The following TENM2 variants were observed in gnomAD, a reference collection of about 807,000 sequenced individuals.
TENM2 encodes the protein teneurin-2.
Under a neutral mutation model 245.2 loss-of-function variants are expected in TENM2, and 52 were observed. The ratio of observed to expected loss-of-function variants is 0.21; its 90% CI spans 0.17 to 0.27. TENM2 has a LOEUF of 0.27. TENM2 is among the 10% of genes least tolerant of loss of function. The pLI is 1.00. For missense variants in TENM2, 3,046 were observed against 3,666.8 expected (o/e 0.83, Z 4.37); for synonymous variants, 1,363 against 1,438.9 (o/e 0.95, Z 1.19).
chr5:168,040,049 T>C (rs1489039332), intron 5 of TENM2, among the ~76,000 whole-genome samples: 6 of 152,176 alleles, frequency 3.9e-5, no homozygotes, highest in Non-Finnish European at 7.3e-5. Flanking sequence ...ATTAATTCTC[T>C]GGTCTTTCCC....
the TENM2 span, among the ~76,000 whole-genome samples, chr5:167,268,287 A>T: frequency 6.6e-6 from 1 of 152,218 alleles, no homozygotes; most frequent in Non-Finnish European, 1.5e-5. Flanking sequence ...AACACGTATT[A>T]TACAGAAAGG....
chr5:168,239,482 C>T (rs1187003401), intron 25 of TENM2, among the ~76,000 whole-genome samples: 2 of 152,172 alleles, frequency 1.3e-5, no homozygotes, highest in Non-Finnish European at 2.9e-5. Context: ...GGTCAATGGT[C>T]AGAGGCCTCT....
intron 2 of TENM2, among the ~76,000 whole-genome samples, chr5:167,600,700 G>A (rs1416823899): frequency 3.3e-5 from 5 of 152,120 alleles, no homozygotes; most frequent in Admixed American, 1.3e-4. Flanking sequence ...GTCACGCTGG[G>A]TTAACTGTTT....
chr5:168,147,329 T>C (rs1004125053), intron 12 of TENM2, among the ~76,000 whole-genome samples: 1 of 152,240 alleles, frequency 6.6e-6, no homozygotes, highest in African/African-American at 2.4e-5. Flanking sequence ...CTCTTGACTT[T>C]GGTGCATTTA....
At chr5:167,885,197 G>T (rs958874479) in intron 3 of TENM2, among the ~76,000 whole-genome samples, 2 of 152,052 alleles carry the variant, frequency 1.3e-5, no homozygotes, top group East Asian at 1.9e-4. Flanking sequence ...CTATTGCATA[G>T]GTTGTCTTTT....
At chr5:167,189,477 CTT>C in the TENM2 span, among the ~76,000 whole-genome samples, 4 of 149,864 alleles carry the variant, frequency 2.7e-5, no homozygotes, top group African/African-American at 1.0e-4. Flanking sequence ...TCCTTTCTCT[CTT>C]TTCTTTTCTT....
chr5:167,174,424 A>G, the TENM2 span, among the ~76,000 whole-genome samples: 1 of 152,196 alleles, frequency 6.6e-6, no homozygotes. Context: ...CTGTTTTGAC[A>G]TAGTATTAGC....
intron 2 of TENM2, among the ~76,000 whole-genome samples, chr5:167,815,542 G>A (rs1186720890): frequency 6.6e-6 from 1 of 152,142 alleles, no homozygotes; most frequent in African/African-American, 2.4e-5. Flanking sequence ...TTCTTCACAA[G>A]TTACAATAAG....
At chr5:167,605,270 T>G (rs1022264895) in intron 2 of TENM2, among the ~76,000 whole-genome samples, 2 of 152,190 alleles carry the variant, frequency 1.3e-5, no homozygotes, top group African/African-American at 4.8e-5. Context: ...GAAAGAGCAG[T>G]AGTCATTTAA....
chr5:167,459,956 C>CA (rs1659460313), intron 2 of TENM2, among the ~76,000 whole-genome samples: 1 of 151,658 alleles, frequency 6.6e-6, no homozygotes, highest in Non-Finnish European at 1.5e-5. Flanking sequence ...ACACAACACA[C>CA]ACTCAAACGC....
rs115462206 is a variant in TENM2, at chr5:168,049,229, G to A, written c.1309+1680G>A. 7.4e-3 allele frequency among the ~76,000 whole-genome samples: 1,133 copies of A among 152,270 alleles called. 18 individuals carry two copies. The highest frequency in any genetic ancestry group is 0.037 in the Middle Eastern group (11 of 294). On this transcript the variant is annotated intron_variant, in intron 6 of 28. Coordinates refer to ENST00000518659, the Ensembl canonical transcript of TENM2. ...TATAATACACAGGACAGCCCCCTGT[G>A]ATGAAGAATTATCTCCTTTCAAGAT... is the stretch of plus-strand genomic sequence containing the variant.
At chr5:167,110,027 T>C in the TENM2 span, among the ~76,000 whole-genome samples, 4 of 152,176 alleles carry the variant, frequency 2.6e-5, no homozygotes, top group African/African-American at 9.7e-5. Flanking sequence ...TAGGGTAACT[T>C]TCTAAGTTGT....
chr5:167,876,187 C>T, exon 3 of TENM2: 1 of 1,551,024 alleles, frequency 6.4e-7, no homozygotes, highest in Non-Finnish European at 8.7e-7. Context: ...CAGCAAGCCT[C>T]CAGCAGTGGT....
chr5:167,078,604 C>G, the TENM2 span, among the ~76,000 whole-genome samples: 2 of 152,076 alleles, frequency 1.3e-5, no homozygotes, highest in African/African-American at 4.8e-5. Context: ...TCTTGTTATT[C>G]CCAACAGTCA....
the TENM2 span, among the ~76,000 whole-genome samples, chr5:167,115,785 G>C: frequency 5.6e-4 from 85 of 152,278 alleles, 1 homozygote; most frequent in Admixed American, 3.7e-3. Context: ...AATTTAAATA[G>C]GCTTTAGTAG....
chr5:168,150,084 A>G (rs1033971433), intron 12 of TENM2, among the ~76,000 whole-genome samples: 2 of 152,170 alleles, frequency 1.3e-5, no homozygotes, highest in South Asian at 4.1e-4. Flanking sequence ...AGTGATTACC[A>G]TCTGACATAC....
the TENM2 span, among the ~76,000 whole-genome samples, chr5:167,182,041 CATA>C: frequency 6.6e-6 from 1 of 152,138 alleles, no homozygotes; most frequent in Non-Finnish European, 1.5e-5. Context: ...GGAAAGATTT[CATA>C]ATAACTAATA....
chr5:167,012,710 C>T, the TENM2 span, among the ~76,000 whole-genome samples: 1 of 152,150 alleles, frequency 6.6e-6, no homozygotes, highest in East Asian at 1.9e-4. Context: ...ATCTCATGCT[C>T]CTCTTACAAA....
At chr5:167,142,134 G>T in the TENM2 span, among the ~76,000 whole-genome samples, 1 of 152,176 alleles carries the variant, frequency 6.6e-6, no homozygotes, top group South Asian at 2.1e-4. Context: ...CAAGAATGTC[G>T]CTATGTGTGT....
Sources: allele counts gnomAD v4.1 joint callset (sites outside exome capture counted in the v4.1 genomes callset), GRCh38; gene constraint gnomAD v4.1.1; transcripts MANE v1.5; gene names NCBI Gene and HGNC (gene_info 2026-07-23, HGNC 2026-07-21).